INTS8: variants seen among roughly 807,000 people sequenced by gnomAD.
INTS8 encodes protein kaonashi-1.
In INTS8, 47 loss-of-function variants were observed where a neutral mutation model predicts 138.9. That is an observed-to-expected ratio of 0.34 (90% CI 0.27 to 0.43). The LOEUF (loss-of-function observed/expected upper bound fraction) is 0.43, where lower values mean the gene tolerates loss of function less well. Among genes scored for constraint, INTS8 ranks in the 20% least tolerant of loss-of-function variants. The probability of loss-of-function intolerance (pLI) is 1.00; values close to 1 mark genes in which losing one functional copy is unlikely to be tolerated. For synonymous variants in INTS8, 392 were observed against 400.9 expected, an observed-to-expected ratio of 0.98 and a Z score of 0.27; for missense variants, 996 against 1,173.0, an observed-to-expected ratio of 0.85 and a Z score of 2.20.
At chr8:94,872,910 G>C (rs1026328347) in intron 21 of INTS8, among the ~76,000 whole-genome samples, 11 of 152,156 alleles carry the variant, frequency 7.2e-5, no homozygotes, top group Non-Finnish European at 1.6e-4. Flanking sequence ...TGAACACCGT[G>C]GGTCTACCAC....
intron 13 of INTS8, among the ~76,000 whole-genome samples, chr8:94,852,604 T>A (rs1461931792): frequency 1.3e-5 from 2 of 152,058 alleles, no homozygotes; most frequent in Non-Finnish European, 2.9e-5. Context: ...TTTTTTTTTT[T>A]TGAGACTGAG....
intron 22 of INTS8, chr8:94,873,720 A>G: frequency 2.5e-6 from 1 of 402,878 alleles, no homozygotes; most frequent in Non-Finnish European, 4.5e-6. Flanking sequence ...TCTTTACCAT[A>G]AAGTAATAAA....
intron 20 of INTS8, among the ~76,000 whole-genome samples, chr8:94,869,865 C>T (rs1295706954): frequency 6.6e-6 from 1 of 151,946 alleles, no homozygotes; most frequent in Non-Finnish European, 1.5e-5. Context: ...TGGTTTCCAG[C>T]GTGTTTGTAA....
intron 10 of INTS8, among the ~76,000 whole-genome samples, chr8:94,846,652 G>A (rs969562272): frequency 1.3e-5 from 2 of 152,126 alleles, no homozygotes; most frequent in African/African-American, 2.4e-5. Flanking sequence ...GAACTGCCTC[G>A]TCTCACTCCC....
intron 26 of INTS8, among the ~76,000 whole-genome samples, chr8:94,877,979 C>A (rs1353015431): frequency 1.3e-5 from 2 of 148,718 alleles, no homozygotes; most frequent in Non-Finnish European, 2.9e-5. Flanking sequence ...ACCCTGGAAT[C>A]CAGTTTTTAA....
chr8:94,867,951 A>G (rs1816244109), intron 20 of INTS8: 2 of 152,218 alleles, frequency 1.3e-5, no homozygotes, highest in South Asian at 2.1e-4. Context: ...GGTTTCCAGC[A>G]TCTTATTTCT....
intron 6 of INTS8, among the ~76,000 whole-genome samples, chr8:94,833,328 A>T (rs1814796728): frequency 6.6e-6 from 1 of 152,028 alleles, no homozygotes; most frequent in Non-Finnish European, 1.5e-5. Context: ...TTGCAGCAGG[A>T]GTAGGAGTTA....
intron 10 of INTS8, 101 bp from the exon 11 acceptor site, chr8:94,849,361 G>A (rs1311696608): frequency 1.4e-6 from 1 of 722,100 alleles, no homozygotes; most frequent in Non-Finnish European, 2.4e-6. Flanking sequence ...GTACATTGTT[G>A]AAAAAGGAAA....
chr8:94,876,576 T>A, intron 26 of INTS8, 87 bp downstream of exon 26: 1 of 791,316 alleles, frequency 1.3e-6, no homozygotes, highest in East Asian at 2.7e-5. Context: ...AAATAGATTT[T>A]GTGTACCTAG....
chr8:94,834,809 GAACC>G (rs1814864538), intron 6 of INTS8, among the ~76,000 whole-genome samples: 1 of 152,132 alleles, frequency 6.6e-6, no homozygotes. Context: ...GAATTGGACA[GAACC>G]ATATTTATAA....
chr8:94,838,515 A>G lies in INTS8; in HGVS notation c.914A>G (p.Tyr305Cys), dbSNP rs1343261901. The G allele has an allele frequency of 5.0e-6, 8 of 1,613,336 alleles. No individual in the cohort carries two copies. The highest frequency in any genetic ancestry group is 1.6e-4 in the Middle Eastern group (1 of 6,084). ...ATAGATGAGAAGCGGTTAGCTGGCT[A>G]TTGTCAAGCATGTGATGTTCTTGTA... ...CTIDEKRLAG[Y>C]CQACDVLVPS... is the part of the protein sequence containing the mutation. Residue 305 changes from tyrosine (Y) to cysteine (C), a missense_variant, in exon 8 of 27, where the codon TAT becomes TGT. Physicochemically the swap from Tyr to Cys is radical, Grantham distance 194. Transcript: ENST00000523731.
At position 94,873,333 on chromosome 8, in the gene INTS8, A is replaced by C. The variant is rs77581564; in HGVS notation, c.2534-41A>C. 4 of 1,380,384 alleles carry C rather than the reference A, an allele frequency of 2.9e-6. No homozygotes were observed. In the East Asian group the frequency reaches 6.9e-5, roughly 24 times the overall value. 85.5% of individuals were successfully genotyped at this position (1,380,384 alleles called of 1,614,324 possible). ...TTTACAAAGGAATCCCTGTTTTTCA[A>C]CTGTTACCTCTAATGCTTTATGTCT... On this transcript the variant is annotated intron_variant, in intron 21 of 26. Transcript: ENST00000523731.
In INTS8 at chr8:94,851,617, G is replaced by A. The variant is rs779023518; in HGVS notation, c.1572G>A (p.Arg524=). The change falls in exon 13 of 27, where the codon AGG becomes AGA. Residue 524 remains arginine (R), a synonymous_variant. Coordinates refer to ENST00000523731, the MANE Select transcript of INTS8 (RefSeq NM_017864.4). ...TTATATTGTCAGTGGATCCTTGGAG[G>A]ATTAGACAAATTTTAATTGAATTAC... The part of the protein sequence containing the change: ...HQLILSVDPW[R]IRQILIELHG... The A allele has an allele frequency of 1.2e-6, 2 of 1,603,098 alleles. No individual in the cohort carries two copies. Among genetic ancestry groups the A allele is most frequent in the Admixed American group, 3.5e-5 (2 of 57,580 alleles).
At position 94,836,588 on chromosome 8, in the gene INTS8, A is replaced by G; in HGVS notation, c.818A>G (p.Asn273Ser). The change falls in exon 7 of 27, where the codon AAT (asparagine) becomes AGT (serine). Residue 273 changes from asparagine (N) to serine (S), a missense_variant. Transcript: ENST00000523731. ...QGSTNSAVYE[N>S]AREKFFRTKE... ...TCCACAAATTCAGCTGTCTATGAAA[A>G]TGCCAGGGAAAAATTTTTTAGAACC... 1.2e-6 allele frequency: 2 copies of G among 1,614,056 alleles called. No individual in the cohort carries two copies. Among genetic ancestry groups the G allele is most frequent in the Non-Finnish European group, 1.7e-6 (2 of 1,179,956 alleles).
At chr8:94,867,521 CTTTTT>C (rs35100522) in intron 20 of INTS8, 184 bp downstream of exon 20, 2,108 of 237,450 alleles carry the variant, frequency 8.9e-3, no homozygotes, top group Middle Eastern at 0.013. Flanking sequence ...AGGCATAACC[CTTTTT>C]TTTTTTTTTT....
At position 94,823,340 on chromosome 8, in the gene INTS8, A is replaced by G. The variant is rs1238289518; in HGVS notation, c.-92A>G. Reference sequence around the variant, plus strand: ...ACGTTCGGAGGGTGGCCTCTCTCCCACCGGGTTCCGCATACCCCAGGCACC... The same window carrying G: ...ACGTTCGGAGGGTGGCCTCTCTCCCGCCGGGTTCCGCATACCCCAGGCACC... On this transcript the variant is annotated 5_prime_UTR_variant, in exon 1 of 27. Coordinates refer to ENST00000523731, the MANE Select transcript of INTS8 (RefSeq NM_017864.4). 2.0e-6 allele frequency: 3 copies of G among 1,510,436 alleles called. No homozygotes were observed. The highest frequency in any genetic ancestry group is 1.3e-5 in the South Asian group (1 of 79,618). The allele number at this position is 1,510,436 out of a possible 1,614,324, so 93.6% of individuals were successfully genotyped here.
chr8:94,870,771 GT>G (rs1411484775), intron 20 of INTS8, among the ~76,000 whole-genome samples: 1 of 152,172 alleles, frequency 6.6e-6, no homozygotes, highest in Non-Finnish European at 1.5e-5. Context: ...GAAGTACCTT[GT>G]CTAAATTCAC....
chr8:94,838,467 G>A lies in INTS8; in HGVS notation c.866G>A (p.Gly289Asp), dbSNP rs781125023. The A allele has an allele frequency of 6.2e-7, 1 of 1,611,506 alleles. No homozygotes were observed. The highest frequency in any genetic ancestry group is 8.5e-7 in the Non-Finnish European group (1 of 1,177,800). The stretch of plus-strand genomic sequence containing the variant: ...TGTATACCTCTTACTTTACAGATAG[G>A]TTCATTATCTCTTCATTGTACCATA... ...FRTKELIAEI[G>D]SLSLHCTIDE... is the part of the protein sequence containing the mutation. Residue 289 changes from glycine (G) to aspartate (D), a missense_variant, in exon 8 of 27, where the codon GGT becomes GAT. By Grantham distance (94) the Gly-to-Asp change is moderately conservative (BLOSUM62 -1). Transcript: ENST00000523731.
At chr8:94,862,189 G>A (rs369040729) in intron 16 of INTS8, among the ~76,000 whole-genome samples, 8 of 148,394 alleles carry the variant, frequency 5.4e-5, no homozygotes, top group African/African-American at 1.2e-4. Context: ...TGATCCCCCC[G>A]CCTGGGCCTC....
Sources: gnomAD v4.1 joint callset for allele counts (sites outside exome capture counted in the v4.1 genomes callset) on GRCh38, gnomAD v4.1.1 for gene constraint, MANE v1.5 for transcripts, NCBI Gene and HGNC (gene_info 2026-07-23, HGNC 2026-07-21) for gene names.